The following PLCL1 variants were observed in gnomAD, a reference collection of about 807,000 sequenced individuals.
The protein encoded by PLCL1 is inactive phospholipase C-like protein 1.
Under a neutral mutation model 84.4 loss-of-function variants are expected in PLCL1, and 41 were observed. That is an observed-to-expected ratio of 0.49 (90% CI 0.38 to 0.63). PLCL1 has a LOEUF of 0.63. Ranked by LOEUF, PLCL1 falls within the 30% of genes least tolerant of loss-of-function variation. The pLI, the probability that PLCL1 is intolerant of heterozygous loss-of-function variation, is 0.00. For missense variants in PLCL1, 1,206 were observed against 1,367.8 expected (o/e 0.88, Z 1.87); for synonymous variants, 490 against 488.3 (o/e 1.00, Z -0.05).
At position 197,945,961 on chromosome 2, in the gene PLCL1, A is replaced by G. The variant is rs79912615; in HGVS notation, c.241-137797A>G. Among the ~76,000 whole-genome samples the G allele has an allele frequency of 2.0e-3, 303 of 152,248 alleles. 1 individual carries two copies. Among genetic ancestry groups the G allele is most frequent in the African/African-American group, 7.0e-3 (291 of 41,572 alleles). On this transcript the variant is annotated intron_variant, in intron 1 of 5. Transcript: ENST00000428675. ...ATGTTGTTGAGTGTGATTCATAACTATTTTGTACCTTTGTCACTCCTCTGA... is the reference window on the plus strand; with the variant it reads ...ATGTTGTTGAGTGTGATTCATAACTGTTTTGTACCTTTGTCACTCCTCTGA...
At chr2:198,088,801 G>C in intron 2 of PLCL1, 57 bp from the exon 3 acceptor site, 1 of 961,088 alleles carries the variant, frequency 1.0e-6, no homozygotes, top group African/African-American at 1.6e-5. Flanking sequence ...ACCTGGGAGT[G>C]CTGGCGGTGA....
chr2:198,089,029 G>A lies in PLCL1; in HGVS notation c.2887G>A (p.Val963Met). The A allele has an allele frequency of 6.2e-7, 1 of 1,613,984 alleles. No homozygotes were observed. Among genetic ancestry groups the A allele is most frequent in the South Asian group, 1.1e-5 (1 of 91,078 alleles). Reference protein sequence around the residue: ...YLEPLGAIPDVQKKMLTAYDL... With the variant: ...YLEPLGAIPDMQKKMLTAYDL... ...GGAGCCTCTGGGTGCAATTCCAGAT[G>A]TGCAGAAAAAGATGCTGACTGCTTA... Residue 963 changes from valine to methionine, a missense_variant, in exon 3 of 6, where the codon GTG (valine) becomes ATG (methionine). Physicochemically the swap from Val to Met is conservative, Grantham distance 21. Transcript: ENST00000428675.
chr2:198,075,284 A>G (rs1180079090), intron 1 of PLCL1, among the ~76,000 whole-genome samples: 2 of 152,126 alleles, frequency 1.3e-5, no homozygotes, highest in East Asian at 3.8e-4. Context: ...TTTTAAATGT[A>G]TTGTTTTTGA....
At chr2:197,875,236 A>G (rs1316189863) in intron 1 of PLCL1, among the ~76,000 whole-genome samples, 3 of 152,150 alleles carry the variant, frequency 2.0e-5, no homozygotes. Flanking sequence ...CAGTGAGCCA[A>G]GATCACACCA....
intron 3 of PLCL1, among the ~76,000 whole-genome samples, chr2:198,100,761 G>C (rs1693311733): frequency 6.6e-6 from 1 of 152,016 alleles, no homozygotes; most frequent in Non-Finnish European, 1.5e-5. Flanking sequence ...AGTGCTGCTT[G>C]AGAGAATTCG....
intron 1 of PLCL1, among the ~76,000 whole-genome samples, chr2:197,897,206 T>TTCTTCTTCC (rs10649372): frequency 0.17 from 11,950 of 70,790 alleles, 3,392 homozygotes; most frequent in East Asian, 0.38. Context: ...TCCTTCTTCT[T>TTCTTCTTCC]TCTTCTTCCT....
At chr2:197,929,442 T>G (rs1688893334) in intron 1 of PLCL1, among the ~76,000 whole-genome samples, 1 of 152,192 alleles carries the variant, frequency 6.6e-6, no homozygotes, top group Non-Finnish European at 1.5e-5. Context: ...GCTCCTGCTC[T>G]TCAGTTGGAA....
At chr2:198,040,500 C>G (rs12329164) in intron 1 of PLCL1, among the ~76,000 whole-genome samples, 68,294 of 151,862 alleles carry the variant, frequency 0.45, 15,969 homozygotes, top group Middle Eastern at 0.65. Flanking sequence ...AGAGAGGAAC[C>G]CAGCTGTCAG....
intron 1 of PLCL1, among the ~76,000 whole-genome samples, chr2:197,978,514 G>A (rs1426651891): frequency 6.6e-6 from 1 of 152,046 alleles, no homozygotes; most frequent in African/African-American, 2.4e-5. Flanking sequence ...CAAAAAAAGA[G>A]TTAAGTTCCT....
chr2:197,839,407 T>G (rs1248329706), intron 1 of PLCL1, among the ~76,000 whole-genome samples: 1 of 152,180 alleles, frequency 6.6e-6, no homozygotes, highest in East Asian at 1.9e-4. Context: ...TCATCAGGCG[T>G]TAGTTATTTT....
chr2:197,807,043 C>G (rs1397331642), intron 1 of PLCL1, among the ~76,000 whole-genome samples: 1 of 151,988 alleles, frequency 6.6e-6, no homozygotes, highest in Non-Finnish European at 1.5e-5. Flanking sequence ...GATTTTTCCC[C>G]TATTTAATAG....
At chr2:197,884,054 T>C (rs1033987479) in intron 1 of PLCL1, among the ~76,000 whole-genome samples, 8 of 152,198 alleles carry the variant, frequency 5.3e-5, no homozygotes, top group African/African-American at 1.9e-4. Context: ...ATATTTAAAA[T>C]GGGGGTTCTA....
At chr2:197,962,690 C>A (rs1048682366) in intron 1 of PLCL1, among the ~76,000 whole-genome samples, 1 of 151,980 alleles carries the variant, frequency 6.6e-6, no homozygotes, top group Non-Finnish European at 1.5e-5. Context: ...AAGCCTTATT[C>A]ATTCTAAGTA....
At chr2:198,005,444 A>G (rs1390337973) in intron 1 of PLCL1, among the ~76,000 whole-genome samples, 2 of 152,246 alleles carry the variant, frequency 1.3e-5, no homozygotes, top group Non-Finnish European at 2.9e-5. Context: ...TCGTGCCTGG[A>G]AAGTCCCTCC....
intron 1 of PLCL1, among the ~76,000 whole-genome samples, chr2:197,946,835 CCT>C (rs1689284890): frequency 6.6e-6 from 1 of 152,170 alleles, no homozygotes; most frequent in Admixed American, 6.5e-5. Context: ...ATTTAAAAAG[CCT>C]CTCTTCTGAA....
intron 1 of PLCL1, among the ~76,000 whole-genome samples, chr2:197,926,171 T>C (rs529281520): frequency 5.9e-5 from 9 of 152,046 alleles, no homozygotes; most frequent in Non-Finnish European, 1.3e-4. Context: ...CTCCAAAGAG[T>C]ATATGAGTAG....
chr2:198,005,458 C>A (rs952253610), intron 1 of PLCL1, among the ~76,000 whole-genome samples: 16 of 152,202 alleles, frequency 1.1e-4, no homozygotes, highest in African/African-American at 3.1e-4. Flanking sequence ...TCCCTCCAGG[C>A]TAGTGTTCAA....
rs78532112 is a variant in PLCL1, at chr2:198,014,045, A to G, written c.241-69713A>G. 9.0e-3 allele frequency among the ~76,000 whole-genome samples: 1,365 copies of G among 152,148 alleles called. 21 individuals are homozygous for G. Among genetic ancestry groups the G allele is most frequent in the African/African-American group, 0.031 (1,301 of 41,526 alleles). On this transcript the variant is annotated intron_variant, in intron 1 of 5. Transcript: ENST00000428675. ...ATGACTCCCAAGCTGAACTAGGTAA[A>G]AGAATGTGAATGGATCATCATTTCT...
chr2:197,998,273 T>A (rs1044740576), intron 1 of PLCL1, among the ~76,000 whole-genome samples: 5 of 151,642 alleles, frequency 3.3e-5, no homozygotes, highest in African/African-American at 1.2e-4. Flanking sequence ...TGTTGAACGA[T>A]ACTGTGGAAA....
Sources: gnomAD v4.1 joint callset for allele counts (sites outside exome capture counted in the v4.1 genomes callset) on GRCh38, gnomAD v4.1.1 for gene constraint, MANE v1.5 for transcripts, NCBI Gene and HGNC (gene_info 2026-07-23, HGNC 2026-07-21) for gene names.